CLPTM1L: variants seen among roughly 807,000 people sequenced by gnomAD.
The protein encoded by CLPTM1L is CLPTM1 like.
CLPTM1L carries 38 observed loss-of-function variants against 70.9 expected under a neutral mutation model. The ratio of observed to expected loss-of-function variants is 0.54; its 90% CI spans 0.41 to 0.70. The LOEUF (loss-of-function observed/expected upper bound fraction) is 0.70, where lower values mean the gene tolerates loss of function less well. Among genes scored for constraint, CLPTM1L ranks in the 30% least tolerant of loss-of-function variants. The pLI, the probability that CLPTM1L is intolerant of heterozygous loss-of-function variation, is 0.00. For synonymous variants in CLPTM1L, 339 were observed against 299.9 expected (o/e 1.13, Z -1.35); for missense variants, 652 against 705.9 (o/e 0.92, Z 0.87).
At chr5:1,331,582 G>A (rs1753093943) in intron 8 of CLPTM1L, 2 of 403,732 alleles carry the variant, frequency 5.0e-6, no homozygotes, top group South Asian at 6.9e-5. Context: ...TGCAGCCGCT[G>A]GAGGCCCTGA....
intron 5 of CLPTM1L, among the ~76,000 whole-genome samples, chr5:1,335,476 T>G (rs149303892): frequency 1.7e-3 from 255 of 152,350 alleles, no homozygotes; most frequent in African/African-American, 6.1e-3. Flanking sequence ...GCACAAGTCC[T>G]GGTGCCCCGG....
chr5:1,335,212 ACCC>A (rs1388206883), intron 5 of CLPTM1L, 38 bp from the exon 6 acceptor site: 9 of 1,494,516 alleles, frequency 6.0e-6, no homozygotes, highest in Non-Finnish European at 8.4e-6. Context: ...CTGCCCTCAT[ACCC>A]TTGCACCCAG....
rs963373399 is a variant in CLPTM1L at position 1,319,567 on chromosome 5, G to A, written c.1532+1049C>T. 3.9e-5 allele frequency among the ~76,000 whole-genome samples: 6 copies of A among 152,328 alleles called. No individual in the cohort carries two copies. The East Asian group carries it at 1.2e-3, about 29-fold the overall frequency. ...GGGAGCACTGCGCTCCCCAAGGGCC[G>A]GCACCCCGGACCTAGGCAGGACCCG... On this transcript the variant is annotated intron_variant, in intron 16 of 16. Coordinates refer to ENST00000320895, the MANE Select transcript of CLPTM1L (RefSeq NM_030782.5).
intron 6 of CLPTM1L, 79 bp from the exon 7 acceptor site, chr5:1,334,462 T>G: frequency 9.0e-7 from 1 of 1,106,544 alleles, no homozygotes; most frequent in Admixed American, 2.0e-5. Context: ...GTTTTCAATA[T>G]AAAAATTTAG....
intron 9 of CLPTM1L, among the ~76,000 whole-genome samples, chr5:1,327,070 C>T (rs1302399833): frequency 6.6e-6 from 1 of 150,396 alleles, no homozygotes; most frequent in Non-Finnish European, 1.5e-5. Context: ...CCAGCTCCTC[C>T]TCGACAGGGA....
intron 3 of CLPTM1L, among the ~76,000 whole-genome samples, chr5:1,340,827 G>A (rs1753894501): frequency 6.6e-6 from 1 of 152,230 alleles, no homozygotes; most frequent in Admixed American, 6.5e-5. Context: ...CTGTCGCCCA[G>A]GCTGGAATGC....
intron 6 of CLPTM1L, 94 bp from the exon 7 acceptor site, chr5:1,334,477 G>A (rs1753426176): frequency 2.3e-6 from 2 of 853,306 alleles, no homozygotes; most frequent in East Asian, 2.7e-5. Flanking sequence ...ATTTAGGCCG[G>A]GCGCAGTGGC....
chr5:1,324,176 C>T (rs1380714105), intron 11 of CLPTM1L: 1 of 426,010 alleles, frequency 2.3e-6, no homozygotes, highest in Non-Finnish European at 4.2e-6. Context: ...TGGAAAGAAA[C>T]CGGAAAAAAC....
At chr5:1,320,156 G>C (rs910400576) in intron 16 of CLPTM1L, 1 of 153,538 alleles carries the variant, frequency 6.5e-6, no homozygotes, top group East Asian at 1.9e-4. Flanking sequence ...AGAGGCCCTG[G>C]TGGCTGGTTT....
intron 9 of CLPTM1L, chr5:1,326,048 G>A (rs187363921): frequency 4.6e-4 from 250 of 541,192 alleles, no homozygotes; most frequent in African/African-American, 4.3e-3. Flanking sequence ...ACCGCCCAGC[G>A]GACAACAAAA....
intron 15 of CLPTM1L, 81 bp from the exon 16 acceptor site, chr5:1,320,812 A>G (rs1752107648): frequency 5.4e-6 from 4 of 741,072 alleles, no homozygotes; most frequent in East Asian, 2.9e-5. Context: ...AACCAAGCCA[A>G]CGGCTTTTGG....
chr5:1,324,672 C>A (rs1209150362), intron 11 of CLPTM1L, 91 bp downstream of exon 11: 3 of 1,272,672 alleles, frequency 2.4e-6, no homozygotes, highest in Non-Finnish European at 3.4e-6. Flanking sequence ...TCCAAGGAGA[C>A]TTCCGCACTG....
At chr5:1,327,165 G>GCTCCTCCTCTACAGA in intron 9 of CLPTM1L, among the ~76,000 whole-genome samples, 1 of 97,394 alleles carries the variant, frequency 1.0e-5, no homozygotes, top group African/African-American at 4.1e-5. Flanking sequence ...TCCTCTACAG[G>GCTCCTCCTCTACAGA]CACATTCCAT....
Position 1,335,227 on chromosome 5 carries a change from T to A in CLPTM1L, c.679-53A>T, listed in dbSNP as rs187861381. On this transcript the variant is annotated intron_variant, in intron 5 of 16. Coordinates refer to ENST00000320895, the MANE Select transcript of CLPTM1L (RefSeq NM_030782.5). ...CTGCCCTCATACCCTTGCACCCAGC[T>A]GCCTGGCAGCCCTCGCCAACCCTGC... 7,618 of 1,475,148 alleles carry A rather than the reference T, an allele frequency of 5.2e-3. 18 individuals carry two copies. The highest frequency in any genetic ancestry group is 6.6e-3 in the Non-Finnish European group (6,998 of 1,060,036). The allele number at this position is 1,475,148 out of a possible 1,614,324, so 91.4% of individuals were successfully genotyped here. A position where few individuals can be genotyped will look rare whatever the true frequency, so the allele number is the denominator to read the frequency against.
intron 5 of CLPTM1L, among the ~76,000 whole-genome samples, chr5:1,336,533 G>A (rs1489801563): frequency 3.3e-5 from 5 of 152,328 alleles, no homozygotes; most frequent in South Asian, 2.1e-4. Flanking sequence ...AGGAGTCAGC[G>A]GCATGAGGCT....
intron 5 of CLPTM1L, 65 bp from the exon 6 acceptor site, chr5:1,335,239 C>G: frequency 7.7e-7 from 1 of 1,298,188 alleles, no homozygotes; most frequent in Non-Finnish European, 1.1e-6. Flanking sequence ...CCTGGCAGCC[C>G]TCGCCAACCC....
intron 12 of CLPTM1L, among the ~76,000 whole-genome samples, chr5:1,323,462 G>A (rs758976889): frequency 1.7e-4 from 25 of 149,924 alleles, no homozygotes; most frequent in Middle Eastern, 3.6e-3. Flanking sequence ...AGCAGAGGCC[G>A]GGGGCTCCGG....
At chr5:1,341,417 C>T (rs913886968) in intron 3 of CLPTM1L, among the ~76,000 whole-genome samples, 7 of 152,194 alleles carry the variant, frequency 4.6e-5, no homozygotes, top group African/African-American at 2.4e-5. Context: ...GGGCCCATTC[C>T]CCGAGGGACT....
At chr5:1,322,604 C>T (rs1370632334) in intron 13 of CLPTM1L, among the ~76,000 whole-genome samples, 6 of 152,218 alleles carry the variant, frequency 3.9e-5, no homozygotes, top group South Asian at 2.1e-4. Flanking sequence ...CACAGCCTGG[C>T]GTGGAGGGGC....
Sources: allele counts gnomAD v4.1 joint callset (sites outside exome capture counted in the v4.1 genomes callset), GRCh38; gene constraint gnomAD v4.1.1; transcripts MANE v1.5; gene names NCBI Gene and HGNC (gene_info 2026-07-23, HGNC 2026-07-21).